Variants in MAGI1 observed in about 807,000 individuals in gnomAD.
MAGI1 encodes the protein membrane-associated guanylate kinase, WW and PDZ domain-containing protein 1.
Under a neutral mutation model 139.9 loss-of-function variants are expected in MAGI1, and 58 were observed. The observed-to-expected ratio is 0.41, with a 90% CI of 0.34 to 0.52. The LOEUF (loss-of-function observed/expected upper bound fraction) is 0.52, where lower values mean the gene tolerates loss of function less well. Ranked by LOEUF, MAGI1 falls within the 20% of genes least tolerant of loss-of-function variation. MAGI1 has a pLI of 0.12. For missense variants in MAGI1, 1,874 were observed against 1,901.6 expected, an observed-to-expected ratio of 0.99 and a Z score of 0.27; for synonymous variants, 812 against 737.9, an observed-to-expected ratio of 1.10 and a Z score of -1.63.
intron 1 of MAGI1, among the ~76,000 whole-genome samples, chr3:65,779,507 G>A (rs907133952): frequency 5.9e-5 from 9 of 152,162 alleles, no homozygotes; most frequent in Non-Finnish European, 8.8e-5. Context: ...ACTGTGAGAT[G>A]ATTTAAAAAG....
chr3:65,672,836 T>C (rs1576675324), intron 1 of MAGI1, among the ~76,000 whole-genome samples: 1 of 152,218 alleles, frequency 6.6e-6, no homozygotes, highest in South Asian at 2.1e-4. Context: ...CCCTAACCAC[T>C]ATTAAAGTGT....
At chr3:65,884,787 G>A (rs889203900) in intron 1 of MAGI1, among the ~76,000 whole-genome samples, 6 of 152,096 alleles carry the variant, frequency 3.9e-5, no homozygotes, top group Admixed American at 6.5e-5. Flanking sequence ...GCTGTTCAAC[G>A]TTAGTTCCCA....
At chr3:66,017,541 AC>A (rs925521769) in intron 1 of MAGI1, among the ~76,000 whole-genome samples, 7 of 152,142 alleles carry the variant, frequency 4.6e-5, no homozygotes, top group African/African-American at 1.4e-4. Context: ...GCTAGAGGAA[AC>A]CCACCGCTGT....
In MAGI1 at chr3:65,355,103, G is replaced by A. The variant is rs1940144405; in HGVS notation, c.*1275C>T. On this transcript the variant is annotated 3_prime_UTR_variant, in exon 23 of 23. Transcript: ENST00000402939. ...ACTTAAACCACATCCCGGGGCTACG[G>A]CCGACCCAACCACAGCTCCTGTGGG... 1 of 152,580 alleles carries A rather than the reference G, an allele frequency of 6.6e-6. No individual in the cohort carries two copies. The highest frequency in any genetic ancestry group is 2.1e-4 in the South Asian group (1 of 4,824). 9.5% of individuals were successfully genotyped at this position (152,580 alleles called of 1,614,324 possible). A position where few individuals can be genotyped will look rare whatever the true frequency, so the allele number is the denominator to read the frequency against.
At chr3:65,579,257 T>C (rs1351456563) in intron 2 of MAGI1, among the ~76,000 whole-genome samples, 2 of 152,140 alleles carry the variant, frequency 1.3e-5, no homozygotes, top group Non-Finnish European at 2.9e-5. Flanking sequence ...ACCCAGGTCA[T>C]GATGGCAGCA....
rs77873074 is a variant in MAGI1 at position 65,841,781 on chromosome 3, C to T, written c.313+196215G>A. 4.1e-3 allele frequency among the ~76,000 whole-genome samples: 620 copies of T among 152,226 alleles called. 7 individuals are homozygous for T. The highest frequency in any genetic ancestry group is 0.032 in the Admixed American group (482 of 15,274). On this transcript the variant is annotated intron_variant, in intron 1 of 22. Transcript: ENST00000402939. Reference sequence around the variant, plus strand: ...GTGTCATAAATTTCCCTCCACCAGCCTTTTTGAACCAACACAGGGTTCACA... The same window carrying T: ...GTGTCATAAATTTCCCTCCACCAGCTTTTTTGAACCAACACAGGGTTCACA...
chr3:65,500,282 A>G (rs930563727), intron 2 of MAGI1, among the ~76,000 whole-genome samples: 1 of 152,338 alleles, frequency 6.6e-6, no homozygotes, highest in East Asian at 1.9e-4. Flanking sequence ...CAAGATTTGT[A>G]CTAGAATAGT....
chr3:65,471,364 A>G (rs1417563606), intron 4 of MAGI1, among the ~76,000 whole-genome samples: 7 of 152,212 alleles, frequency 4.6e-5, no homozygotes, highest in Admixed American at 3.9e-4. Flanking sequence ...GTGAATTTCT[A>G]TCTCCCACAG....
At chr3:65,496,066 G>A (rs1215063506) in intron 2 of MAGI1, among the ~76,000 whole-genome samples, 2 of 152,196 alleles carry the variant, frequency 1.3e-5, no homozygotes, top group South Asian at 2.1e-4. Context: ...TTCAGAGACA[G>A]AGTCTCGCTC....
At chr3:65,403,145 G>A (rs1185647242) in intron 12 of MAGI1, among the ~76,000 whole-genome samples, 3 of 152,056 alleles carry the variant, frequency 2.0e-5, no homozygotes, top group African/African-American at 7.2e-5. Flanking sequence ...AGGGAAAATA[G>A]TAAGACTCAC....
At chr3:65,441,593 CTT>C (rs1417297250) in intron 8 of MAGI1, among the ~76,000 whole-genome samples, 3 of 152,190 alleles carry the variant, frequency 2.0e-5, no homozygotes, top group African/African-American at 7.2e-5. Context: ...CCTGCTCTCT[CTT>C]AATGCATAAA....
chr3:65,473,764 C>T (rs1950702614), intron 4 of MAGI1, among the ~76,000 whole-genome samples: 1 of 150,712 alleles, frequency 6.6e-6, no homozygotes, highest in South Asian at 2.1e-4. Flanking sequence ...AAAATCCCTT[C>T]AGCAACGAGA....
intron 13 of MAGI1, among the ~76,000 whole-genome samples, chr3:65,397,178 T>C (rs1187981058): frequency 6.6e-6 from 1 of 152,128 alleles, no homozygotes; most frequent in Non-Finnish European, 1.5e-5. Context: ...GTCACACAAG[T>C]GGCATCAGGG....
chr3:65,398,223 G>A (rs1008546965), intron 13 of MAGI1, among the ~76,000 whole-genome samples: 1 of 152,152 alleles, frequency 6.6e-6, no homozygotes, highest in African/African-American at 2.4e-5. Context: ...TGGATAAATA[G>A]AAGATGATAG....
At chr3:65,702,722 C>A (rs759640206) in intron 1 of MAGI1, among the ~76,000 whole-genome samples, 12 of 152,066 alleles carry the variant, frequency 7.9e-5, no homozygotes, top group Non-Finnish European at 1.8e-4. Context: ...GTACTACAAC[C>A]ACTGGTACTT....
intron 1 of MAGI1, among the ~76,000 whole-genome samples, chr3:65,688,786 T>C (rs1404715833): frequency 6.6e-6 from 1 of 152,180 alleles, no homozygotes; most frequent in African/African-American, 2.4e-5. Context: ...ACCCCTCTCT[T>C]AACTAATACT....
intron 22 of MAGI1, chr3:65,359,890 T>A (rs1001521842): frequency 1.0e-6 from 1 of 985,346 alleles, no homozygotes; most frequent in Non-Finnish European, 1.2e-6. Flanking sequence ...AACAGAAGCA[T>A]AGGGAAGACA....
intron 4 of MAGI1, among the ~76,000 whole-genome samples, chr3:65,474,768 A>G (rs756626478): frequency 2.2e-4 from 34 of 152,142 alleles, no homozygotes; most frequent in African/African-American, 6.8e-4. Context: ...TGTACAACCA[A>G]TCATGATCTC....
intron 14 of MAGI1, among the ~76,000 whole-genome samples, chr3:65,387,742 A>C (rs1943571002): frequency 6.6e-6 from 1 of 152,228 alleles, no homozygotes; most frequent in Non-Finnish European, 1.5e-5. Flanking sequence ...CGAGAACTGA[A>C]CAAACACACA....
Sources: gnomAD v4.1 joint callset for allele counts (sites outside exome capture counted in the v4.1 genomes callset) on GRCh38, gnomAD v4.1.1 for gene constraint, MANE v1.5 for transcripts, NCBI Gene and HGNC (gene_info 2026-07-23, HGNC 2026-07-21) for gene names.